FGF12: variants seen among roughly 807,000 people sequenced by gnomAD.
The protein encoded by FGF12 is fibroblast growth factor 12, also known as fibroblast growth factor 12B.
Under a neutral mutation model 23.6 loss-of-function variants are expected in FGF12, and 14 were observed. That is an observed-to-expected ratio of 0.59 (90% CI 0.39 to 0.93). The LOEUF (loss-of-function observed/expected upper bound fraction) is 0.93, where lower values mean the gene tolerates loss of function less well. Among genes scored for constraint, FGF12 ranks in the 40% least tolerant of loss-of-function variants. FGF12 has a pLI of 0.00. For synonymous variants in FGF12, 62 were observed against 77.3 expected, an observed-to-expected ratio of 0.80 and a Z score of 1.04; for missense variants, 175 against 217.8, an observed-to-expected ratio of 0.80 and a Z score of 1.24.
At chr3:192,167,731 G>GTATATATA (rs11394352) in intron 5 of FGF12, among the ~76,000 whole-genome samples, 362 of 24,998 alleles carry the variant, frequency 0.014, 9 homozygotes, top group African/African-American at 0.017. Context: ...TAGGTTATAG[G>GTATATATA]TATATATATA....
At chr3:192,288,260 A>G (rs1253391841) in intron 4 of FGF12, among the ~76,000 whole-genome samples, 2 of 152,114 alleles carry the variant, frequency 1.3e-5, no homozygotes, top group African/African-American at 4.8e-5. Flanking sequence ...ATAAATTCAC[A>G]GCAGGAACAA....
intron 2 of FGF12, among the ~76,000 whole-genome samples, chr3:192,486,525 G>T (rs1452616219): frequency 6.6e-6 from 1 of 152,042 alleles, no homozygotes; most frequent in Non-Finnish European, 1.5e-5. Flanking sequence ...AAAATTAAAA[G>T]CCTCTAGTGT....
At chr3:192,362,894 A>G (rs1718796799) in intron 2 of FGF12, among the ~76,000 whole-genome samples, 1 of 152,198 alleles carries the variant, frequency 6.6e-6, no homozygotes, top group South Asian at 2.1e-4. Context: ...TAAAGTAAAC[A>G]GTGGGCTAAA....
rs766218430 is a variant in FGF12, at chr3:192,658,238, G to A, written c.13+68943C>T. On this transcript the variant is annotated intron_variant, in intron 2 of 5. Transcript: ENST00000445105. The stretch of plus-strand genomic sequence containing the variant: ...ATATAGTTTTATACAAACAAAATAG[G>A]TGGTAAACCGGACCCATGCCTTAGC... 7.0e-4 allele frequency among the ~76,000 whole-genome samples: 107 copies of A among 151,920 alleles called. 3 individuals are homozygous for A. The highest frequency in any genetic ancestry group is 2.1e-4 in the South Asian group (1 of 4,820).
chr3:192,196,027 C>T (rs1577224846), intron 4 of FGF12, among the ~76,000 whole-genome samples: 2 of 152,188 alleles, frequency 1.3e-5, no homozygotes, highest in Non-Finnish European at 2.9e-5. Flanking sequence ...CCCCCAACCA[C>T]CCCAGCCTTT....
At chr3:192,575,494 G>A (rs1044587813) in intron 2 of FGF12, among the ~76,000 whole-genome samples, 1 of 152,180 alleles carries the variant, frequency 6.6e-6, no homozygotes, top group Admixed American at 6.5e-5. Flanking sequence ...GCAACATGGA[G>A]GAGGAAGAGG....
chr3:192,329,447 T>TAGA (rs1716995741), intron 4 of FGF12, among the ~76,000 whole-genome samples: 5 of 152,204 alleles, frequency 3.3e-5, no homozygotes, highest in Non-Finnish European at 7.4e-5. Context: ...ACTAGTGTTC[T>TAGA]AACCACAATT....
At chr3:192,314,537 C>A (rs983638205) in intron 4 of FGF12, among the ~76,000 whole-genome samples, 5 of 152,086 alleles carry the variant, frequency 3.3e-5, no homozygotes, top group African/African-American at 1.2e-4. Flanking sequence ...GAAGTCCAAG[C>A]AAATGTAAAG....
chr3:192,436,398 A>G (rs1722030779), intron 2 of FGF12, among the ~76,000 whole-genome samples: 1 of 152,160 alleles, frequency 6.6e-6, no homozygotes, highest in East Asian at 1.9e-4. Flanking sequence ...GCTTAGTAAA[A>G]CACGGATCGC....
intron 2 of FGF12, among the ~76,000 whole-genome samples, chr3:192,532,479 T>C (rs1459102500): frequency 1.3e-5 from 2 of 152,068 alleles, no homozygotes; most frequent in Non-Finnish European, 2.9e-5. Context: ...CTTAAGTATA[T>C]TACTAAGTAT....
intron 5 of FGF12, among the ~76,000 whole-genome samples, chr3:192,167,147 T>C (rs1210802000): frequency 7.0e-6 from 1 of 143,778 alleles, no homozygotes; most frequent in Non-Finnish European, 1.5e-5. Flanking sequence ...AGAACATTTA[T>C]TTGGTATATG....
At chr3:192,304,308 C>T (rs972232313) in intron 4 of FGF12, among the ~76,000 whole-genome samples, 3 of 152,126 alleles carry the variant, frequency 2.0e-5, no homozygotes, top group Non-Finnish European at 4.4e-5. Context: ...TGTTGGGCAC[C>T]GAGCGCTTTA....
intron 2 of FGF12, among the ~76,000 whole-genome samples, chr3:192,716,334 A>T (rs1009648328): frequency 6.6e-6 from 1 of 152,244 alleles, no homozygotes; most frequent in Non-Finnish European, 1.5e-5. Flanking sequence ...CATCCCTGTT[A>T]AAATAGTCAG....
At chr3:192,415,195 A>T (rs1446746436) in intron 2 of FGF12, among the ~76,000 whole-genome samples, 2 of 152,074 alleles carry the variant, frequency 1.3e-5, no homozygotes, top group Non-Finnish European at 2.9e-5. Flanking sequence ...TGGGTTAAGG[A>T]TGCTGAAAGA....
intron 2 of FGF12, among the ~76,000 whole-genome samples, chr3:192,432,887 T>C (rs1721906533): frequency 6.6e-6 from 1 of 152,158 alleles, no homozygotes; most frequent in South Asian, 2.1e-4. Flanking sequence ...TAATTTGTTA[T>C]GCAGCATGAG....
Position 192,335,865 on chromosome 3 carries a change from A to C in FGF12, c.125-401T>G, listed in dbSNP as rs150939462. 2.7e-3 allele frequency among the ~76,000 whole-genome samples: 416 copies of C among 152,232 alleles called. 3 individuals are homozygous for C. Among genetic ancestry groups the C allele is most frequent in the African/African-American group, 9.9e-3 (410 of 41,558 alleles). On this transcript the variant is annotated intron_variant, in intron 3 of 5. Coordinates refer to ENST00000445105, the MANE Select transcript of FGF12 (RefSeq NM_004113.6). ...TATCTGTAGTCACAAGAAATAACAAAATACTATCTTTAAAACAGGCCAAAG... is the reference window on the plus strand; with the variant it reads ...TATCTGTAGTCACAAGAAATAACAACATACTATCTTTAAAACAGGCCAAAG...
At chr3:192,164,513 A>C (rs1371301627) in intron 5 of FGF12, among the ~76,000 whole-genome samples, 1 of 152,198 alleles carries the variant, frequency 6.6e-6, no homozygotes, top group Non-Finnish European at 1.5e-5. Context: ...AACCATCCTC[A>C]AACTGGCAGA....
At chr3:192,174,417 A>T (rs1335664669) in intron 4 of FGF12, among the ~76,000 whole-genome samples, 1 of 151,508 alleles carries the variant, frequency 6.6e-6, no homozygotes, top group East Asian at 1.9e-4. Flanking sequence ...TTTTCCATTC[A>T]GTATAATTCC....
intron 2 of FGF12, among the ~76,000 whole-genome samples, chr3:192,509,470 T>C (rs1026027678): frequency 2.0e-5 from 3 of 152,216 alleles, no homozygotes; most frequent in African/African-American, 7.2e-5. Flanking sequence ...TTCCAGGCAA[T>C]GGAGATAACT....
Sources: gnomAD v4.1 joint callset for allele counts (sites outside exome capture counted in the v4.1 genomes callset) on GRCh38, gnomAD v4.1.1 for gene constraint, MANE v1.5 for transcripts, NCBI Gene and HGNC (gene_info 2026-07-23, HGNC 2026-07-21) for gene names.